MAPRE2: variants seen among roughly 807,000 people sequenced by gnomAD.
The protein encoded by MAPRE2 is microtubule associated protein RP/EB family member 2.
In MAPRE2, 13 loss-of-function variants were observed where a neutral mutation model predicts 43.2. The ratio of observed to expected loss-of-function variants is 0.30; its 90% CI spans 0.20 to 0.48. MAPRE2 has a LOEUF of 0.48. Among genes scored for constraint, MAPRE2 ranks in the 20% least tolerant of loss-of-function variants. The pLI is 0.99. For synonymous variants in MAPRE2, 135 were observed against 148.8 expected (o/e 0.91, Z 0.68); for missense variants, 161 against 400.2 (o/e 0.40, Z 5.10).
chr18:34,981,698 T>C (rs115970843), intron 1 of MAPRE2, among the ~76,000 whole-genome samples: 2,580 of 152,180 alleles, frequency 0.017, 82 homozygotes, highest in African/African-American at 0.057. Context: ...TGCCAAGGCA[T>C]TGACTCCTGG....
intron 4 of MAPRE2, among the ~76,000 whole-genome samples, chr18:35,120,050 C>T (rs1181948886): frequency 6.6e-6 from 1 of 152,172 alleles, no homozygotes; most frequent in Non-Finnish European, 1.5e-5. Context: ...TGCTGCTCCT[C>T]CTTTCTTAAA....
intron 1 of MAPRE2, among the ~76,000 whole-genome samples, chr18:35,047,649 C>A (rs1170376816): frequency 2.0e-5 from 3 of 148,828 alleles, no homozygotes; most frequent in Middle Eastern, 3.3e-3. Flanking sequence ...GAAAATAAAT[C>A]ATTAGCAAGG....
At chr18:35,086,749 T>C (rs1289708166) in intron 2 of MAPRE2, among the ~76,000 whole-genome samples, 2 of 152,064 alleles carry the variant, frequency 1.3e-5, no homozygotes, top group African/African-American at 4.8e-5. Context: ...GCTGGGTGAC[T>C]TTCTGAGCCT....
In MAPRE2 at chr18:34,984,938, AATATATAAAATATATT is replaced by A. The variant is rs1400104812; in HGVS notation, c.-70+7875_-70+7890del. Among the ~76,000 whole-genome samples, 4 of 15,248 alleles carry A rather than the reference AATATATAAAATATATT, an allele frequency of 2.6e-4. 1 individual carries two copies. Among genetic ancestry groups the A allele is most frequent in the Non-Finnish European group, 6.2e-4 (4 of 6,428 alleles). The allele number at this position is 15,248 out of a possible 152,430, so 10.0% of individuals were successfully genotyped here. A position where few individuals can be genotyped will look rare whatever the true frequency, so the allele number is the denominator to read the frequency against. On this transcript the variant is annotated intron_variant, in intron 1 of 7. Transcript: ENST00000413393. Reference sequence around the variant, plus strand: ...ATATATAATATATTTTATGTTATATAATATATAAAATATATTATATATAAAATATATAATATATAAA... The same window carrying A: ...ATATATAATATATTTTATGTTATATAATATATAAAATATATAATATATAAA...
At chr18:35,076,928 C>T (rs1208204134) in intron 2 of MAPRE2, among the ~76,000 whole-genome samples, 1 of 152,084 alleles carries the variant, frequency 6.6e-6, no homozygotes, top group Non-Finnish European at 1.5e-5. Flanking sequence ...AGGAACAGAC[C>T]TACAGATATA....
chr18:34,981,517 A>G (rs766578216), intron 1 of MAPRE2, among the ~76,000 whole-genome samples: 1 of 152,196 alleles, frequency 6.6e-6, no homozygotes, highest in African/African-American at 2.4e-5. Flanking sequence ...TCTCTATTTT[A>G]TAAGCTCTAA....
intron 4 of MAPRE2, among the ~76,000 whole-genome samples, chr18:35,119,424 T>C (rs1224155244): frequency 5.3e-5 from 8 of 152,376 alleles, no homozygotes; most frequent in Non-Finnish European, 1.2e-4. Flanking sequence ...TATCACTTCC[T>C]AATTTATGTT....
At chr18:35,047,735 CTG>C (rs1470568588) in intron 1 of MAPRE2, among the ~76,000 whole-genome samples, 3 of 142,230 alleles carry the variant, frequency 2.1e-5, no homozygotes, top group Admixed American at 7.0e-5. Flanking sequence ...AAAAAAAACA[CTG>C]TGTTTTCAGT....
At chr18:35,057,284 GT>G (rs1210996279) in intron 1 of MAPRE2, among the ~76,000 whole-genome samples, 21 of 152,184 alleles carry the variant, frequency 1.4e-4, no homozygotes, top group African/African-American at 4.8e-4. Flanking sequence ...CAAAGCGCTA[GT>G]ATTACAGGCA....
At chr18:35,081,997 A>T (rs1177900152) in intron 2 of MAPRE2, 1 of 129,446 alleles carries the variant, frequency 7.7e-6, no homozygotes, top group Admixed American at 7.2e-5. Context: ...ACCTAAAAAT[A>T]CATACGTTCT....
At chr18:35,007,987 T>A (rs1417576654) in intron 2 of MAPRE2, among the ~76,000 whole-genome samples, 1 of 152,184 alleles carries the variant, frequency 6.6e-6, no homozygotes, top group Non-Finnish European at 1.5e-5. Context: ...TGAGCATGAA[T>A]GGATTCTTGT....
chr18:35,002,908 A>G (rs1043438658), intron 1 of MAPRE2, among the ~76,000 whole-genome samples: 1 of 152,120 alleles, frequency 6.6e-6, no homozygotes, highest in African/African-American at 2.4e-5. Flanking sequence ...ATGAAGTCCA[A>G]TTTACCAATT....
chr18:35,119,413 C>G (rs1909570456), intron 4 of MAPRE2, among the ~76,000 whole-genome samples: 1 of 152,198 alleles, frequency 6.6e-6, no homozygotes. Context: ...CTAGTTTATT[C>G]TATCACTTCC....
intron 1 of MAPRE2, among the ~76,000 whole-genome samples, chr18:34,996,710 T>C (rs1479158605): frequency 6.6e-6 from 1 of 152,242 alleles, no homozygotes; most frequent in Admixed American, 6.5e-5. Context: ...GTACTGTAGC[T>C]ACTCATAAGT....
intron 2 of MAPRE2, among the ~76,000 whole-genome samples, chr18:35,010,251 A>C (rs2097033846): frequency 6.6e-6 from 1 of 152,182 alleles, no homozygotes; most frequent in African/African-American, 2.4e-5. Context: ...ATAAAAATTA[A>C]AAACAATTAG....
At chr18:35,049,840 A>T (rs1905845878) in intron 1 of MAPRE2, among the ~76,000 whole-genome samples, 2 of 152,142 alleles carry the variant, frequency 1.3e-5, no homozygotes, top group African/African-American at 4.8e-5. Flanking sequence ...CCCTACTATG[A>T]CCTCTATATT....
At chr18:34,984,926 T>A (rs185812125) in intron 1 of MAPRE2, among the ~76,000 whole-genome samples, 1 of 5,566 alleles carries the variant, frequency 1.8e-4, no homozygotes, top group East Asian at 0.014. Context: ...TATAATATAT[T>A]TTATGTTATA....
intron 1 of MAPRE2, among the ~76,000 whole-genome samples, chr18:34,990,537 C>T (rs2097023238): frequency 6.6e-6 from 1 of 152,086 alleles, no homozygotes; most frequent in Non-Finnish European, 1.5e-5. Context: ...TAGAAAAATC[C>T]ACACTTCTTA....
intron 4 of MAPRE2, among the ~76,000 whole-genome samples, chr18:35,116,269 G>A (rs1194378135): frequency 6.6e-6 from 1 of 152,224 alleles, no homozygotes; most frequent in African/African-American, 2.4e-5. Context: ...TGCTGAAGTC[G>A]AAAGAATGTG....
Sources: gnomAD v4.1 joint callset for allele counts (sites outside exome capture counted in the v4.1 genomes callset) on GRCh38, gnomAD v4.1.1 for gene constraint, MANE v1.5 for transcripts, NCBI Gene and HGNC (gene_info 2026-07-23, HGNC 2026-07-21) for gene names.